EEFSEC: variants seen among roughly 807,000 people sequenced by gnomAD.
EEFSEC encodes the protein eukaryotic elongation factor, selenocysteine-tRNA specific.
In EEFSEC, 43 loss-of-function variants were observed where a neutral mutation model predicts 42.1. That is an observed-to-expected ratio of 1.02 (90% CI 0.80 to 1.32). The LOEUF (loss-of-function observed/expected upper bound fraction) is 1.32. Among genes scored for constraint, EEFSEC ranks in the 40% most tolerant of loss-of-function variants. The probability of loss-of-function intolerance (pLI) is 0.00; values close to 1 mark genes in which losing one functional copy is unlikely to be tolerated. For missense variants in EEFSEC, 745 were observed against 803.6 expected (o/e 0.93, Z 0.88); for synonymous variants, 354 against 339.1 (o/e 1.04, Z -0.48).
In EEFSEC at chr3:128,264,735, C is replaced by T. The variant is rs1347011087; in HGVS notation, c.740C>T (p.Ser247Leu). The change falls in exon 4 of 7, where the codon TCA (serine) becomes TTA (leucine). Residue 247 changes from serine to leucine, a missense_variant. Ser to Leu is a moderately radical substitution (Grantham distance 145). Transcript: ENST00000254730. ...ACTGTGATGACAGGGACCATCCTTT[C>T]AGGCTCCATCAGCCTCGGTGACAGT... ...QGTVMTGTIL[S>L]GSISLGDSVE... 7 of 1,614,050 alleles carry T rather than the reference C, an allele frequency of 4.3e-6. No individual in the cohort carries two copies. In the Admixed American group the frequency reaches 1.2e-4, roughly 27 times the overall value.
At chr3:128,392,241 A>T (rs540054662) in intron 6 of EEFSEC, among the ~76,000 whole-genome samples, 1 of 152,330 alleles carries the variant, frequency 6.6e-6, no homozygotes, top group South Asian at 2.1e-4. Context: ...AGGGCAGCAG[A>T]CATTGCAGAT....
At chr3:128,347,887 C>A (rs1429060302) in intron 5 of EEFSEC, among the ~76,000 whole-genome samples, 1 of 152,118 alleles carries the variant, frequency 6.6e-6, no homozygotes, top group African/African-American at 2.4e-5. Context: ...GACATAAGGA[C>A]AACGAGGCAG....
chr3:128,356,809 T>A (rs932745183), intron 5 of EEFSEC, among the ~76,000 whole-genome samples: 8 of 152,184 alleles, frequency 5.3e-5, no homozygotes, highest in Non-Finnish European at 8.8e-5. Flanking sequence ...CTTTTTAACG[T>A]GAAACACAAT....
In EEFSEC at chr3:128,300,346, G is replaced by A. The variant is rs184911915; in HGVS notation, c.786+35565G>A. Among the ~76,000 whole-genome samples the A allele has an allele frequency of 2.6e-4, 40 of 152,318 alleles. No homozygotes were observed. The East Asian group carries it at 6.0e-3, about 23-fold the overall frequency. On this transcript the variant is annotated intron_variant, in intron 4 of 6. Transcript: ENST00000254730. ...GGGCCAGGCGAGGTGGCTCACGCCT[G>A]TAATCGCAGCACTTAGGGAGGCTGA...
chr3:128,200,133 A>G (rs1240510839), intron 1 of EEFSEC, among the ~76,000 whole-genome samples: 1 of 152,204 alleles, frequency 6.6e-6, no homozygotes, highest in Non-Finnish European at 1.5e-5. Flanking sequence ...GCCTGACACC[A>G]TCATACACAC....
intron 5 of EEFSEC, among the ~76,000 whole-genome samples, chr3:128,351,569 T>G (rs992190358): frequency 1.3e-5 from 2 of 152,226 alleles, no homozygotes; most frequent in Non-Finnish European, 2.9e-5. Flanking sequence ...TTGCCTGCCT[T>G]CCTTCGTATC....
intron 1 of EEFSEC, among the ~76,000 whole-genome samples, chr3:128,182,914 G>A (rs542237544): frequency 6.3e-4 from 96 of 151,984 alleles, no homozygotes; most frequent in Non-Finnish European, 9.7e-4. Flanking sequence ...CTAGTAGTGG[G>A]GGTGGGCGGG....
intron 4 of EEFSEC, among the ~76,000 whole-genome samples, chr3:128,315,827 T>C (rs1341063965): frequency 6.6e-6 from 1 of 152,240 alleles, no homozygotes; most frequent in African/African-American, 2.4e-5. Flanking sequence ...CACCTTCCTA[T>C]GCTATATGTT....
chr3:128,284,105 G>A (rs951939301), intron 4 of EEFSEC, among the ~76,000 whole-genome samples: 2 of 152,138 alleles, frequency 1.3e-5, no homozygotes, highest in African/African-American at 4.8e-5. Context: ...CCGTGCTGCT[G>A]TGGCACCTCC....
intron 4 of EEFSEC, among the ~76,000 whole-genome samples, chr3:128,284,464 G>T (rs914277720): frequency 6.0e-5 from 9 of 149,640 alleles, no homozygotes; most frequent in Admixed American, 5.3e-4. Flanking sequence ...GGGGGTGGGG[G>T]ATGGGGCTTC....
Position 128,210,331 on chromosome 3 carries a change from G to A in EEFSEC, c.317-36505G>A, listed in dbSNP as rs377504854. 1.4e-3 allele frequency among the ~76,000 whole-genome samples: 216 copies of A among 152,290 alleles called. 1 individual carries two copies. The highest frequency in any genetic ancestry group is 5.3e-4 in the Non-Finnish European group (36 of 68,012). ...GATTGAGTAGTTGGCAGAGAGGCAC[G>A]CTGACTTGAGGCTTCTGCAGGAAGT... On this transcript the variant is annotated intron_variant, in intron 1 of 6. Coordinates refer to ENST00000254730, the MANE Select transcript of EEFSEC (RefSeq NM_021937.5).
intron 4 of EEFSEC, among the ~76,000 whole-genome samples, chr3:128,324,504 G>A (rs1385483560): frequency 1.3e-5 from 2 of 152,172 alleles, no homozygotes; most frequent in Non-Finnish European, 2.9e-5. Context: ...GATTTCAGGT[G>A]GTTCAATGAA....
At chr3:128,342,308 C>T (rs2067264704) in intron 5 of EEFSEC, among the ~76,000 whole-genome samples, 2 of 152,260 alleles carry the variant, frequency 1.3e-5, no homozygotes, top group East Asian at 3.8e-4. Flanking sequence ...TACCTCCATC[C>T]AGCTGGGATC....
In EEFSEC at chr3:128,358,262, G is replaced by A; in HGVS notation, c.1489G>A (p.Glu497Lys). The change falls in exon 6 of 7, where the codon GAA (glutamate) becomes AAA (lysine). Residue 497 changes from glutamate to lysine, a missense_variant. By Grantham distance (56) the Glu-to-Lys change is moderately conservative. Transcript: ENST00000254730. ...SVIGRSLFKKETNIQLFVGLK... is the reference protein window; with the variant it reads ...SVIGRSLFKKKTNIQLFVGLK... ...GATCGGCCGCTCCCTGTTCAAAAAG[G>A]AAACCAACATCCAGCTCTTCGTGGG... 1 of 1,614,222 alleles carries A rather than the reference G, an allele frequency of 6.2e-7. No individual in the cohort carries two copies.
intron 6 of EEFSEC, among the ~76,000 whole-genome samples, chr3:128,407,723 A>G (rs1437199428): frequency 6.6e-6 from 1 of 152,160 alleles, no homozygotes; most frequent in African/African-American, 2.4e-5. Context: ...TCCAGAGGCA[A>G]TCAGGGAGTA....
At chr3:128,308,491 G>A (rs751292338) in intron 4 of EEFSEC, among the ~76,000 whole-genome samples, 9 of 152,206 alleles carry the variant, frequency 5.9e-5, no homozygotes, top group Non-Finnish European at 1.3e-4. Context: ...CCTCTTTGCA[G>A]CTGGAAAAAC....
chr3:128,239,922 G>A (rs886103553), intron 1 of EEFSEC, among the ~76,000 whole-genome samples: 3 of 152,248 alleles, frequency 2.0e-5, no homozygotes, highest in Admixed American at 6.5e-5. Context: ...CTGGCCAGGA[G>A]CCTCTAGCCT....
intron 4 of EEFSEC, among the ~76,000 whole-genome samples, chr3:128,328,877 T>C (rs2067094216): frequency 6.6e-6 from 1 of 152,182 alleles, no homozygotes; most frequent in Non-Finnish European, 1.5e-5. Context: ...ATTTTGAATT[T>C]GAAAATACAT....
At chr3:128,388,706 T>C (rs989130743) in intron 6 of EEFSEC, among the ~76,000 whole-genome samples, 3 of 152,286 alleles carry the variant, frequency 2.0e-5, no homozygotes, top group Non-Finnish European at 4.4e-5. Context: ...GTCGACTGTG[T>C]GCTTTCAGTG....
Sources: allele counts gnomAD v4.1 joint callset (sites outside exome capture counted in the v4.1 genomes callset), GRCh38; gene constraint gnomAD v4.1.1; transcripts MANE v1.5; gene names NCBI Gene and HGNC (gene_info 2026-07-23, HGNC 2026-07-21).